PSD3: variants seen among roughly 807,000 people sequenced by gnomAD.
PSD3 encodes the protein pleckstrin and Sec7 domain containing 3.
A neutral mutation model predicts 105.5 loss-of-function variants in PSD3; 49 were observed. The ratio of observed to expected loss-of-function variants is 0.46; its 90% CI spans 0.37 to 0.59. The LOEUF is 0.59. Ranked by LOEUF, PSD3 falls within the 20% of genes least tolerant of loss-of-function variation. The pLI is 0.00. For synonymous variants in PSD3, 557 were observed against 457.8 expected (o/e 1.22, Z -2.77); for missense variants, 1,561 against 1,263.8 (o/e 1.24, Z -3.57).
intron 11 of PSD3, among the ~76,000 whole-genome samples, chr8:18,611,088 GATAAACTGT>G (rs1441143307): frequency 2.0e-5 from 3 of 152,088 alleles, no homozygotes; most frequent in African/African-American, 7.2e-5. Context: ...AATTTAACAT[GATAAACTGT>G]ATAAACTAAA....
intron 1 of PSD3, among the ~76,000 whole-genome samples, chr8:19,004,790 T>C (rs1826573943): frequency 6.6e-6 from 1 of 151,966 alleles, no homozygotes; most frequent in Admixed American, 6.6e-5. Context: ...GTCTTTCCAA[T>C]GCTGTTCTCT....
intron 4 of PSD3, among the ~76,000 whole-genome samples, chr8:18,840,637 T>G (rs952227551): frequency 9.2e-5 from 14 of 152,078 alleles, no homozygotes; most frequent in African/African-American, 3.4e-4. Context: ...AAAGCACAGG[T>G]GCTAGGTTTC....
intron 9 of PSD3, among the ~76,000 whole-genome samples, chr8:18,706,916 G>T (rs1801939271): frequency 6.6e-6 from 1 of 152,074 alleles, no homozygotes; most frequent in Non-Finnish European, 1.5e-5. Flanking sequence ...TAATAAACTG[G>T]CATTTAAATT....
chr8:18,715,045 C>A (rs1487313837), intron 9 of PSD3, among the ~76,000 whole-genome samples: 1 of 152,212 alleles, frequency 6.6e-6, no homozygotes, highest in African/African-American at 2.4e-5. Context: ...AAACCAAACA[C>A]TGCATGTTCT....
At chr8:18,770,562 C>A (rs999397881) in intron 8 of PSD3, among the ~76,000 whole-genome samples, 3 of 152,188 alleles carry the variant, frequency 2.0e-5, no homozygotes, top group African/African-American at 7.2e-5. Context: ...GTGTTCCACC[C>A]CTTGCTGGAG....
intron 14 of PSD3, among the ~76,000 whole-genome samples, chr8:18,566,441 G>A (rs1378636661): frequency 6.6e-6 from 1 of 151,094 alleles, no homozygotes; most frequent in Non-Finnish European, 1.5e-5. Context: ...CAGGAGAATG[G>A]CATGAACCCG....
At chr8:18,547,855 T>G (rs1800537563) in intron 15 of PSD3, among the ~76,000 whole-genome samples, 1 of 152,230 alleles carries the variant, frequency 6.6e-6, no homozygotes, top group Admixed American at 6.5e-5. Flanking sequence ...TTGGGAAGTA[T>G]TCAGTCTTTA....
At chr8:18,734,059 G>A (rs1007790757) in intron 9 of PSD3, 3 of 152,098 alleles carry the variant, frequency 2.0e-5, no homozygotes, top group African/African-American at 7.2e-5. Flanking sequence ...AACATATAAG[G>A]TGCTAGAAAA....
At chr8:18,950,855 A>G (rs546507833) in intron 1 of PSD3, among the ~76,000 whole-genome samples, 54 of 152,280 alleles carry the variant, frequency 3.5e-4, no homozygotes, top group Non-Finnish European at 1.2e-4. Flanking sequence ...AAGTGATCCA[A>G]GAACTGTCCT....
chr8:19,052,507 T>C (rs980108504), intron 1 of PSD3, among the ~76,000 whole-genome samples: 2 of 150,404 alleles, frequency 1.3e-5, no homozygotes, highest in Non-Finnish European at 3.0e-5. Flanking sequence ...AGAAAAGAAA[T>C]ACAGAAAATG....
At chr8:18,786,049 C>T (rs1000801288) in intron 8 of PSD3, among the ~76,000 whole-genome samples, 5 of 152,072 alleles carry the variant, frequency 3.3e-5, no homozygotes, top group Non-Finnish European at 7.4e-5. Context: ...TGAGATACGC[C>T]TATACTTAAA....
At chr8:18,696,188 T>G (rs1801249585) in intron 9 of PSD3, among the ~76,000 whole-genome samples, 2 of 152,192 alleles carry the variant, frequency 1.3e-5, no homozygotes, top group South Asian at 2.1e-4. Context: ...AGGCCTTTGT[T>G]GAGATGGCAT....
intron 14 of PSD3, among the ~76,000 whole-genome samples, chr8:18,568,912 T>G (rs898559904): frequency 1.3e-5 from 2 of 149,126 alleles, no homozygotes; most frequent in African/African-American, 2.5e-5. Context: ...TGTGTCCATG[T>G]GATCTCACTG....
intron 10 of PSD3, among the ~76,000 whole-genome samples, chr8:18,635,115 A>C (rs1196225993): frequency 1.3e-5 from 2 of 152,172 alleles, no homozygotes; most frequent in East Asian, 3.9e-4. Context: ...AAATTTTTGC[A>C]GCTTTGGCCA....
intron 1 of PSD3, among the ~76,000 whole-genome samples, chr8:19,079,456 C>T (rs1326226496): frequency 6.6e-6 from 1 of 152,176 alleles, no homozygotes; most frequent in Non-Finnish European, 1.5e-5. Context: ...CTAAATGACT[C>T]ACCAAGTAGA....
intron 14 of PSD3, among the ~76,000 whole-genome samples, chr8:18,565,046 A>G (rs569767506): frequency 1.3e-5 from 2 of 152,320 alleles, no homozygotes; most frequent in Admixed American, 6.5e-5. Context: ...GACCTAGGGT[A>G]GGCACAGGTT....
At chr8:18,784,637 C>T (rs1183977839) in intron 8 of PSD3, among the ~76,000 whole-genome samples, 3 of 152,068 alleles carry the variant, frequency 2.0e-5, no homozygotes, top group African/African-American at 7.2e-5. Context: ...TAGGAGGGCT[C>T]ACAGAACTCA....
chr8:18,634,762 G>T (rs774917176), intron 10 of PSD3, among the ~76,000 whole-genome samples: 4 of 152,132 alleles, frequency 2.6e-5, no homozygotes, highest in Non-Finnish European at 4.4e-5. Context: ...TATAGGTGAT[G>T]CATCTTTCTC....
chr8:18,769,892 T>C (rs1175299056), intron 8 of PSD3, among the ~76,000 whole-genome samples: 1 of 152,230 alleles, frequency 6.6e-6, no homozygotes, highest in African/African-American at 2.4e-5. Flanking sequence ...TTGATGAATG[T>C]TTAGACTATT....
Sources: gnomAD v4.1 joint callset for allele counts (sites outside exome capture counted in the v4.1 genomes callset) on GRCh38, gnomAD v4.1.1 for gene constraint, MANE v1.5 for transcripts, NCBI Gene and HGNC (gene_info 2026-07-23, HGNC 2026-07-21) for gene names.